GPHN: variants seen among roughly 807,000 people sequenced by gnomAD.
GPHN encodes the protein gephyrin.
GPHN carries 17 observed loss-of-function variants against 95.5 expected under a neutral mutation model. The observed-to-expected ratio is 0.18, with a 90% CI of 0.12 to 0.27. GPHN has a LOEUF of 0.27. GPHN is among the 10% of genes least tolerant of loss of function. The pLI, the probability that GPHN is intolerant of heterozygous loss-of-function variation, is 1.00. For synonymous variants in GPHN, 320 were observed against 322.5 expected (o/e 0.99, Z 0.08); for missense variants, 660 against 978.1 (o/e 0.67, Z 4.34).
chr14:67,245,038 A>G, the GPHN span, among the ~76,000 whole-genome samples: 5 of 152,238 alleles, frequency 3.3e-5, no homozygotes, highest in African/African-American at 1.2e-4. Flanking sequence ...CAGGCCACAA[A>G]CTAAGGAATA....
intron 10 of GPHN, among the ~76,000 whole-genome samples, chr14:67,043,991 G>T (rs2074853992): frequency 6.6e-6 from 1 of 152,088 alleles, no homozygotes; most frequent in Non-Finnish European, 1.5e-5. Context: ...ATTTCTTCTA[G>T]ATTTTCTAGT....
chr14:67,473,232 TCCCCCAACACCTGACCACGGC>T, the GPHN span: 5 of 726,910 alleles, frequency 6.9e-6, no homozygotes, highest in East Asian at 8.3e-5. The surrounding 1 kb of genome is among the most constrained non-coding windows in gnomAD (Gnocchi z 6.5). Context: ...CCACACCCCA[TCCCCCAACACCTGACCACGGC>T]CCCCCAACAC....
Position 66,949,993 on chromosome 14 carries a change from GAAA to G in GPHN, c.829-15175_829-15173del, listed in dbSNP as rs71129809. 3.5e-4 allele frequency among the ~76,000 whole-genome samples: 20 copies of G among 57,816 alleles called. No homozygotes were observed. In the South Asian group the frequency reaches 0.011, roughly 33 times the overall value. 37.9% of individuals were successfully genotyped at this position (57,816 alleles called of 152,430 possible). On this transcript the variant is annotated intron_variant, in intron 8 of 22. Coordinates refer to ENST00000478722, the MANE Select transcript of GPHN (RefSeq NM_020806.5). ...ACCAGTGAAATTAGCTTTAGGACAGGAAAAAAAAAAAAAAAAAAAAAAAAAGCA... is the reference window on the plus strand; with the variant it reads ...ACCAGTGAAATTAGCTTTAGGACAGGAAAAAAAAAAAAAAAAAAAAAAGCA...
the GPHN span, chr14:67,690,925 C>G: frequency 1.8e-6 from 1 of 557,072 alleles, no homozygotes; most frequent in South Asian, 2.3e-5. Flanking sequence ...TGCGCCAAGG[C>G]AAACCAAATC....
At chr14:67,047,366 G>GTTTTT (rs1196897917) in intron 10 of GPHN, among the ~76,000 whole-genome samples, 2 of 108,778 alleles carry the variant, frequency 1.8e-5, no homozygotes, top group Non-Finnish European at 3.9e-5. Flanking sequence ...GTGTGTGTTT[G>GTTTTT]TTTTTTTTTT....
At chr14:66,801,849 C>G (rs141915600) in intron 3 of GPHN, among the ~76,000 whole-genome samples, 4 of 151,752 alleles carry the variant, frequency 2.6e-5, no homozygotes, top group Non-Finnish European at 5.9e-5. Context: ...CTACCTGGAG[C>G]TGGTGGTGGT....
At chr14:67,401,551 T>C in the GPHN span, among the ~76,000 whole-genome samples, 2 of 151,168 alleles carry the variant, frequency 1.3e-5, no homozygotes, top group Admixed American at 6.6e-5. Flanking sequence ...GAAGAGGAGA[T>C]TTGGACACAC....
At chr14:66,751,779 G>A (rs2058373659) in intron 2 of GPHN, among the ~76,000 whole-genome samples, 1 of 152,044 alleles carries the variant, frequency 6.6e-6, no homozygotes, top group Non-Finnish European at 1.5e-5. Context: ...TCAACTTAAA[G>A]TCACTAGCTG....
chr14:66,603,601 T>C (rs10220297), intron 1 of GPHN, among the ~76,000 whole-genome samples: 24,626 of 151,894 alleles, frequency 0.16, 3,871 homozygotes, highest in East Asian at 0.45. Context: ...ACACAATTCC[T>C]ATTTTTGTAT....
rs540429118 is a variant in GPHN at position 66,694,123 on chromosome 14, C to T, written c.143+12938C>T. Among the ~76,000 whole-genome samples the T allele has an allele frequency of 5.4e-4, 82 of 152,172 alleles. 3 individuals are homozygous for T. The highest frequency in any genetic ancestry group is 1.9e-3 in the African/African-American group (79 of 41,506). On this transcript the variant is annotated intron_variant, in intron 2 of 22. Coordinates refer to ENST00000478722, the MANE Select transcript of GPHN (RefSeq NM_020806.5). The stretch of plus-strand genomic sequence containing the variant: ...TGAAGCTTAACCCCCGATGTGAGGG[C>T]GTTTGAAGGATGAGGCCTTTGGGAG...
At chr14:67,224,352 A>G in the GPHN span, among the ~76,000 whole-genome samples, 7 of 148,898 alleles carry the variant, frequency 4.7e-5, no homozygotes, top group Non-Finnish European at 8.9e-5. Flanking sequence ...TCCGCCTCCC[A>G]GGTTCAAGCG....
the GPHN span, among the ~76,000 whole-genome samples, chr14:67,638,196 C>T: frequency 6.6e-6 from 1 of 152,094 alleles, no homozygotes; most frequent in Admixed American, 6.6e-5. Context: ...TTAATTTACT[C>T]TAATAACCTT....
At chr14:67,123,772 C>G (rs777076073) in intron 17 of GPHN, among the ~76,000 whole-genome samples, 2 of 152,166 alleles carry the variant, frequency 1.3e-5, no homozygotes, top group African/African-American at 2.4e-5. Context: ...AACACAAATT[C>G]ATAAACTTTC....
rs1567400892 is a variant in GPHN, at chr14:67,144,268, T to TAC, written c.1836+820_1836+821insCA. ...AAAAAAAAATATATATATATATATA[T>TAC]ATATATATATATATATATACACACA... is the stretch of plus-strand genomic sequence containing the variant. On this transcript the variant is annotated intron_variant, in intron 18 of 22. Transcript: ENST00000478722. 2.0e-4 allele frequency among the ~76,000 whole-genome samples: 21 copies of TAC among 105,786 alleles called. 4 individuals carry two copies. The South Asian group carries it at 3.2e-3, about 16-fold the overall frequency. 69.4% of individuals were successfully genotyped at this position (105,786 alleles called of 152,430 possible).
chr14:66,686,701 G>A (rs1038499294), intron 2 of GPHN, among the ~76,000 whole-genome samples: 1 of 152,202 alleles, frequency 6.6e-6, no homozygotes, highest in Non-Finnish European at 1.5e-5. Flanking sequence ...TGCAAACAGG[G>A]ACAATTTGAG....
At chr14:66,722,142 A>G (rs1341965797) in intron 2 of GPHN, among the ~76,000 whole-genome samples, 1 of 152,110 alleles carries the variant, frequency 6.6e-6, no homozygotes, top group African/African-American at 2.4e-5. Context: ...TATAGAAGTT[A>G]CATAGTTGTA....
chr14:67,364,700 G>T, the GPHN span: 1 of 1,454,646 alleles, frequency 6.9e-7, no homozygotes, highest in East Asian at 2.5e-5. Context: ...GCAGGATGTG[G>T]AAATTGATTT....
intron 2 of GPHN, among the ~76,000 whole-genome samples, chr14:66,736,006 G>A (rs540359147): frequency 6.6e-6 from 1 of 152,314 alleles, no homozygotes; most frequent in African/African-American, 2.4e-5. Context: ...CAGCTAACTG[G>A]ATGGTGCCTG....
intron 8 of GPHN, among the ~76,000 whole-genome samples, chr14:66,957,973 T>A (rs565968791): frequency 2.1e-4 from 32 of 152,062 alleles, no homozygotes; most frequent in Admixed American, 6.6e-4. Flanking sequence ...ATCCAAACCA[T>A]CCCCACCAAC....
Sources: allele counts gnomAD v4.1 joint callset (sites outside exome capture counted in the v4.1 genomes callset), GRCh38; gene constraint gnomAD v4.1.1; non-coding constraint Gnocchi (gnomAD v3.1); transcripts MANE v1.5; gene names NCBI Gene and HGNC (gene_info 2026-07-23, HGNC 2026-07-21).